The following PLXNA4 variants were observed in gnomAD, a reference collection of about 807,000 sequenced individuals.
The protein encoded by PLXNA4 is plexin-A4.
Under a neutral mutation model 191.8 loss-of-function variants are expected in PLXNA4, and 44 were observed. The ratio of observed to expected loss-of-function variants is 0.23; its 90% CI spans 0.18 to 0.29. The LOEUF is 0.29. PLXNA4 is among the 10% of genes least tolerant of loss of function. The probability of loss-of-function intolerance (pLI) is 1.00; values close to 1 mark genes in which losing one functional copy is unlikely to be tolerated. For synonymous variants in PLXNA4, 1,082 were observed against 1,009.5 expected (o/e 1.07, Z -1.36); for missense variants, 1,800 against 2,488.8 (o/e 0.72, Z 5.89).
intron 1 of PLXNA4, among the ~76,000 whole-genome samples, chr7:132,512,744 A>G (rs1798775593): frequency 6.6e-6 from 1 of 152,186 alleles, no homozygotes; most frequent in Non-Finnish European, 1.5e-5. Flanking sequence ...GGCTGCTCCA[A>G]TCTGGCAAAG....
At chr7:132,199,018 C>T (rs974212078) in intron 12 of PLXNA4, among the ~76,000 whole-genome samples, 1 of 152,172 alleles carries the variant, frequency 6.6e-6, no homozygotes, top group Admixed American at 6.5e-5. Context: ...CATTCAGAGC[C>T]CCCTACACCT....
intron 4 of PLXNA4, among the ~76,000 whole-genome samples, chr7:132,275,480 A>G (rs1472753248): frequency 2.6e-5 from 4 of 152,212 alleles, no homozygotes; most frequent in Non-Finnish European, 5.9e-5. Flanking sequence ...GACACTTAAA[A>G]TTGGTGATCA....
rs564060197 is a variant in PLXNA4 at position 132,491,601 on chromosome 7, C to G, written c.1189-2127G>C. Among the ~76,000 whole-genome samples the G allele has an allele frequency of 2.6e-5, 4 of 151,072 alleles. No homozygotes were observed. In the South Asian group the frequency reaches 8.4e-4, roughly 32 times the overall value. On this transcript the variant is annotated intron_variant, in intron 2 of 31. Transcript: ENST00000321063. ...TCTTGCGTGGCCTGGTCCACCAGCC[C>G]AGGCCAAACACAGCTCTCTCCCCTT...
intron 3 of PLXNA4, among the ~76,000 whole-genome samples, chr7:132,300,801 C>A (rs1468987730): frequency 6.6e-6 from 1 of 152,260 alleles, no homozygotes; most frequent in Non-Finnish European, 1.5e-5. Context: ...CTCCAGCCCC[C>A]TCAGGCCACC....
At chr7:132,606,758 T>A (rs533772716) in intron 2 of PLXNA4, among the ~76,000 whole-genome samples, 1 of 152,170 alleles carries the variant, frequency 6.6e-6, no homozygotes, top group Non-Finnish European at 1.5e-5. Context: ...ACTTTAAGCC[T>A]GAGAAAAATT....
At chr7:132,361,106 G>T (rs775013268) in intron 3 of PLXNA4, among the ~76,000 whole-genome samples, 1 of 152,178 alleles carries the variant, frequency 6.6e-6, no homozygotes, top group East Asian at 1.9e-4. Flanking sequence ...TGTAATGAGC[G>T]CTAGGGGGTG....
chr7:132,581,906 A>G (rs546364094), upstream of PLXNA4, among the ~76,000 whole-genome samples: 1 of 152,068 alleles, frequency 6.6e-6, no homozygotes, highest in Non-Finnish European at 1.5e-5. Context: ...AAACAAACAA[A>G]ACTTGTCTTT....
At chr7:132,314,442 T>G (rs1801864556) in intron 3 of PLXNA4, among the ~76,000 whole-genome samples, 1 of 152,192 alleles carries the variant, frequency 6.6e-6, no homozygotes. Flanking sequence ...GAGCGTTTAG[T>G]CGGCCTCATG....
In PLXNA4 at chr7:132,226,335, G is replaced by C. The variant is rs1230275111; in HGVS notation, c.1883-75C>G. 4 of 1,293,054 alleles carry C rather than the reference G, an allele frequency of 3.1e-6. No individual in the cohort carries two copies. In the African/African-American group the frequency reaches 5.9e-5, roughly 19 times the overall value. 80.1% of individuals were successfully genotyped at this position (1,293,054 alleles called of 1,614,324 possible). ...AGGGATTCCCTGACCAGTGACACCT[G>C]CTGGAAAAGGGAGCCTGCTCCCCAG... On this transcript the variant is annotated intron_variant, in intron 7 of 31. Transcript: ENST00000321063.
At chr7:132,160,801 C>T (rs1795927637) in intron 24 of PLXNA4, among the ~76,000 whole-genome samples, 1 of 152,194 alleles carries the variant, frequency 6.6e-6, no homozygotes, top group South Asian at 2.1e-4. Flanking sequence ...CTCTCTCCCA[C>T]TCCACCCCCT....
intron 2 of PLXNA4, among the ~76,000 whole-genome samples, chr7:132,613,624 A>G (rs1013013519): frequency 2.0e-5 from 3 of 152,170 alleles, no homozygotes; most frequent in Non-Finnish European, 2.9e-5. Flanking sequence ...GGGGTGATGG[A>G]GAAAACTGGA....
chr7:132,591,272 T>C (rs1165698654), intron 2 of PLXNA4, among the ~76,000 whole-genome samples: 1 of 152,196 alleles, frequency 6.6e-6, no homozygotes, highest in East Asian at 1.9e-4. Context: ...TGCACTGTAA[T>C]TGATTCAGAA....
At chr7:132,197,211 T>C (rs1365388632) in intron 13 of PLXNA4, among the ~76,000 whole-genome samples, 1 of 152,212 alleles carries the variant, frequency 6.6e-6, no homozygotes, top group Non-Finnish European at 1.5e-5. Flanking sequence ...AACTCTTTAA[T>C]CCATCTGGAA....
At chr7:132,281,843 T>C (rs1407410487) in intron 4 of PLXNA4, among the ~76,000 whole-genome samples, 1 of 152,254 alleles carries the variant, frequency 6.6e-6, no homozygotes, top group Non-Finnish European at 1.5e-5. Flanking sequence ...AGCAGACCTC[T>C]GTGTTGTACA....
intron 1 of PLXNA4, among the ~76,000 whole-genome samples, chr7:132,516,514 GACA>G (rs1563146560): frequency 1.3e-5 from 2 of 152,292 alleles, no homozygotes; most frequent in East Asian, 1.9e-4. Flanking sequence ...ATGGAAAACA[GACA>G]ACAACAGAAA....
chr7:132,637,398 A>C (rs374944376), intron 2 of PLXNA4, among the ~76,000 whole-genome samples: 1 of 152,220 alleles, frequency 6.6e-6, no homozygotes, highest in Non-Finnish European at 1.5e-5. Context: ...GGTCCTGCAC[A>C]TACCAGGCTC....
chr7:132,597,783 A>T (rs1802741199), intron 2 of PLXNA4, among the ~76,000 whole-genome samples: 1 of 151,822 alleles, frequency 6.6e-6, no homozygotes, highest in Non-Finnish European at 1.5e-5. Flanking sequence ...CATATGCTTC[A>T]TTCTGTTCCT....
intron 4 of PLXNA4, among the ~76,000 whole-genome samples, chr7:132,248,726 C>T (rs1562990716): frequency 1.3e-5 from 2 of 152,210 alleles, no homozygotes; most frequent in Admixed American, 6.5e-5. Flanking sequence ...GGTCTAGCCC[C>T]TCAGCAAAGT....
chr7:132,447,283 C>G (rs926585808), intron 3 of PLXNA4, among the ~76,000 whole-genome samples: 1 of 152,166 alleles, frequency 6.6e-6, no homozygotes, highest in Non-Finnish European at 1.5e-5. Flanking sequence ...ACTCAGTGCC[C>G]TCTAGACTCT....
Sources: gnomAD v4.1 joint callset for allele counts (sites outside exome capture counted in the v4.1 genomes callset) on GRCh38, gnomAD v4.1.1 for gene constraint, MANE v1.5 for transcripts, NCBI Gene and HGNC (gene_info 2026-07-23, HGNC 2026-07-21) for gene names.